The following COLEC10 variants were observed in gnomAD, a reference collection of about 807,000 sequenced individuals.
COLEC10 encodes the protein collectin subfamily member 10, also known as collectin-10.
A neutral mutation model predicts 28.4 loss-of-function variants in COLEC10; 22 were observed. The observed-to-expected ratio is 0.78, with a 90% CI of 0.55 to 1.11. COLEC10 has a LOEUF of 1.11. Ranked by LOEUF, COLEC10 falls within the 50% of genes least tolerant of loss-of-function variation. COLEC10 has a pLI of 0.00. For synonymous variants in COLEC10, 125 were observed against 116.1 expected, an observed-to-expected ratio of 1.08 and a Z score of -0.49; for missense variants, 361 against 344.1, an observed-to-expected ratio of 1.05 and a Z score of -0.39.
intron 2 of COLEC10, among the ~76,000 whole-genome samples, chr8:119,024,450 G>A (rs568784073): frequency 3.3e-5 from 5 of 151,986 alleles, no homozygotes; most frequent in Admixed American, 1.3e-4. Context: ...ATGAGAATGG[G>A]GGTTCATGGA....
At chr8:119,097,516 CTT>C (rs1205309203) in intron 3 of COLEC10, among the ~76,000 whole-genome samples, 3 of 152,014 alleles carry the variant, frequency 2.0e-5, no homozygotes, top group African/African-American at 7.2e-5. Flanking sequence ...AATTGACCTA[CTT>C]TTAAAATTTA....
upstream of COLEC10, among the ~76,000 whole-genome samples, chr8:118,991,123 CTATT>C (rs1163839840): frequency 6.6e-6 from 1 of 151,998 alleles, no homozygotes; most frequent in Non-Finnish European, 1.5e-5. Flanking sequence ...AATAAATACA[CTATT>C]TGGGGGCATT....
At chr8:118,989,036 A>G in the COLEC10 span, among the ~76,000 whole-genome samples, 3 of 152,358 alleles carry the variant, frequency 2.0e-5, no homozygotes, top group African/African-American at 7.2e-5. Flanking sequence ...CGACTCAGAT[A>G]TGACACAGAT....
intron 2 of COLEC10, among the ~76,000 whole-genome samples, chr8:119,040,986 G>A (rs1437712662): frequency 2.6e-5 from 4 of 152,182 alleles, no homozygotes; most frequent in African/African-American, 9.6e-5. Flanking sequence ...AAAAGAACAA[G>A]GCACATGGAG....
intron 2 of COLEC10, among the ~76,000 whole-genome samples, chr8:119,028,429 G>A (rs780950314): frequency 3.7e-4 from 56 of 152,252 alleles, no homozygotes; most frequent in Non-Finnish European, 6.9e-4. Flanking sequence ...CCATATGGCT[G>A]GGGAGGCCTC....
At chr8:118,952,841 G>T in the COLEC10 span, among the ~76,000 whole-genome samples, 1 of 152,160 alleles carries the variant, frequency 6.6e-6, no homozygotes, top group Non-Finnish European at 1.5e-5. Context: ...TAATTCCCTG[G>T]TCTAGAAGTT....
chr8:118,956,118 G>A, the COLEC10 span, among the ~76,000 whole-genome samples: 10 of 152,252 alleles, frequency 6.6e-5, no homozygotes, highest in Admixed American at 3.9e-4. Context: ...GCAACCTTAC[G>A]TGGCAGAAAG....
intron 2 of COLEC10, among the ~76,000 whole-genome samples, chr8:119,023,120 C>T (rs987202587): frequency 6.6e-6 from 1 of 152,128 alleles, no homozygotes; most frequent in Admixed American, 6.6e-5. Context: ...TTACGCTGGC[C>T]ACTGTATTTA....
At position 119,067,369 on chromosome 8, in the gene COLEC10, A is replaced by G; in HGVS notation, c.88A>G (p.Ile30Val). 6.2e-7 allele frequency: 1 copy of G among 1,614,098 alleles called. No individual in the cohort carries two copies. Among genetic ancestry groups the G allele is most frequent in the Non-Finnish European group, 8.5e-7 (1 of 1,179,972 alleles). The change falls in exon 1 of 6, where the codon ATT (isoleucine) becomes GTT (valine). Residue 30 changes from isoleucine to valine, a missense_variant. Transcript: ENST00000332843. ...GCAAATTCAGAGTCTGGGTCTGGAT[A>G]TTGATAGCCGTCCTACCGCTGAAGT... is the stretch of plus-strand genomic sequence containing the variant. ...LLQIQSLGLD[I>V]DSRPTAEVCA...
chr8:119,051,040 T>A (rs1337386437), intron 2 of COLEC10, among the ~76,000 whole-genome samples: 1 of 152,186 alleles, frequency 6.6e-6, no homozygotes. Flanking sequence ...TCTATCCTCT[T>A]TCTAAAGCTA....
At chr8:119,018,858 A>G (rs1456954631) in intron 2 of COLEC10, among the ~76,000 whole-genome samples, 1 of 152,190 alleles carries the variant, frequency 6.6e-6, no homozygotes, top group Non-Finnish European at 1.5e-5. Context: ...ATGTGTGCAT[A>G]CATGGGCATA....
intron 1 of COLEC10, among the ~76,000 whole-genome samples, chr8:119,069,621 AAAAAAAAAATATATATAT>A (rs1252097298): frequency 1.3e-4 from 8 of 61,712 alleles, no homozygotes; most frequent in Admixed American, 4.1e-4. Context: ...AAAAAAAAAA[AAAAAAAAAATATATATAT>A]ATATATATAT....
At chr8:119,061,444 A>T (rs945761712) in intron 2 of COLEC10, among the ~76,000 whole-genome samples, 27 of 136,004 alleles carry the variant, frequency 2.0e-4, no homozygotes, top group Middle Eastern at 3.7e-3. Context: ...CTGGTATTGA[A>T]AAAAAAAAAA....
At chr8:118,978,528 T>C in the COLEC10 span, among the ~76,000 whole-genome samples, 5 of 150,706 alleles carry the variant, frequency 3.3e-5, no homozygotes, top group Non-Finnish European at 7.4e-5. Context: ...TTTTTTTCCT[T>C]AAAAAACCTC....
intron 3 of COLEC10, among the ~76,000 whole-genome samples, chr8:119,097,081 A>C (rs916172386): frequency 1.3e-5 from 2 of 152,146 alleles, no homozygotes; most frequent in Non-Finnish European, 2.9e-5. Context: ...TTATAGCTTG[A>C]AAACTTGTAA....
chr8:118,974,231 T>C, the COLEC10 span, among the ~76,000 whole-genome samples: 1 of 151,826 alleles, frequency 6.6e-6, no homozygotes, highest in South Asian at 2.1e-4. Context: ...ATTGTCTGGG[T>C]TTTCTTTCAC....
chr8:119,040,137 T>C (rs1027821416), intron 2 of COLEC10, among the ~76,000 whole-genome samples: 2 of 152,160 alleles, frequency 1.3e-5, no homozygotes, highest in Non-Finnish European at 2.9e-5. Flanking sequence ...GTACAGATAA[T>C]ATTAAATTAT....
At chr8:119,084,859 TA>T (rs1326415560) in intron 1 of COLEC10, among the ~76,000 whole-genome samples, 2 of 152,056 alleles carry the variant, frequency 1.3e-5, no homozygotes, top group Non-Finnish European at 2.9e-5. Context: ...AGTTTTACAA[TA>T]AAGGGTAAAA....
chr8:119,069,777 A>G (rs1304495183), intron 1 of COLEC10, among the ~76,000 whole-genome samples: 1 of 150,972 alleles, frequency 6.6e-6, no homozygotes, highest in African/African-American at 2.4e-5. Flanking sequence ...GAATAGTATG[A>G]TGGTTAAGTA....
Sources: allele counts gnomAD v4.1 joint callset (sites outside exome capture counted in the v4.1 genomes callset), GRCh38; gene constraint gnomAD v4.1.1; transcripts MANE v1.5; gene names NCBI Gene and HGNC (gene_info 2026-07-23, HGNC 2026-07-21).